RAB2A: variants seen among roughly 807,000 people sequenced by gnomAD.
RAB2A encodes the protein RAB2A, member RAS oncogene family.
RAB2A carries 7 observed loss-of-function variants against 32.5 expected under a neutral mutation model. The ratio of observed to expected loss-of-function variants is 0.22; its 90% confidence interval spans 0.12 to 0.40. The LOEUF is 0.40. RAB2A is among the 10% of genes least tolerant of loss of function. RAB2A has a pLI of 1.00. For missense variants in RAB2A, 108 were observed against 260.7 expected, an observed-to-expected ratio of 0.41 and a Z score of 4.03; for synonymous variants, 79 against 85.2, an observed-to-expected ratio of 0.93 and a Z score of 0.40.
intron 1 of RAB2A, among the ~76,000 whole-genome samples, chr8:60,525,341 G>A (rs1289165557): frequency 4.6e-5 from 7 of 152,116 alleles, no homozygotes; most frequent in Non-Finnish European, 1.0e-4. Flanking sequence ...ATATGTGCCT[G>A]CTTCCCCTTC....
At chr8:60,526,159 G>T (rs1807385328) in intron 1 of RAB2A, among the ~76,000 whole-genome samples, 7 of 151,444 alleles carry the variant, frequency 4.6e-5, no homozygotes, top group Admixed American at 4.6e-4. Flanking sequence ...CGTGTCACTG[G>T]GATGAAATCC....
intron 6 of RAB2A, among the ~76,000 whole-genome samples, chr8:60,616,852 G>A (rs1804457344): frequency 1.3e-5 from 2 of 152,160 alleles, no homozygotes; most frequent in Admixed American, 1.3e-4. Flanking sequence ...GATTACTCTG[G>A]GGAGCTGTAA....
intron 1 of RAB2A, among the ~76,000 whole-genome samples, chr8:60,523,671 G>A (rs1366428195): frequency 6.6e-6 from 1 of 150,772 alleles, no homozygotes; most frequent in East Asian, 1.9e-4. Context: ...CAATTTAGAT[G>A]ATATACTTTT....
At chr8:60,569,664 C>A (rs974300822) in intron 2 of RAB2A, among the ~76,000 whole-genome samples, 4 of 152,128 alleles carry the variant, frequency 2.6e-5, no homozygotes, top group South Asian at 2.1e-4. Context: ...AGGCACCTGC[C>A]ACCATACCTA....
chr8:60,590,583 A>G (rs1259126017), intron 5 of RAB2A, among the ~76,000 whole-genome samples: 1 of 144,506 alleles, frequency 6.9e-6, no homozygotes, highest in Admixed American at 6.8e-5. Context: ...TAATATATGT[A>G]TTTTATATAT....
intron 1 of RAB2A, among the ~76,000 whole-genome samples, chr8:60,557,201 C>A (rs1042200560): frequency 6.6e-6 from 1 of 152,124 alleles, no homozygotes; most frequent in African/African-American, 2.4e-5. Context: ...TTTCTTTTCA[C>A]TGTCATTTCT....
chr8:60,547,259 A>G (rs1235776987), intron 1 of RAB2A, among the ~76,000 whole-genome samples: 1 of 152,242 alleles, frequency 6.6e-6, no homozygotes, highest in Non-Finnish European at 1.5e-5. Context: ...AATTTTTCTT[A>G]GTACAGAACA....
At chr8:60,583,466 G>T (rs1157387411) in intron 3 of RAB2A, among the ~76,000 whole-genome samples, 1 of 152,034 alleles carries the variant, frequency 6.6e-6, no homozygotes, top group Non-Finnish European at 1.5e-5. Context: ...TCTTGTGTCT[G>T]TTTCACAAGT....
intron 1 of RAB2A, among the ~76,000 whole-genome samples, chr8:60,557,504 A>G (rs1449704681): frequency 6.6e-6 from 1 of 152,200 alleles, no homozygotes; most frequent in African/African-American, 2.4e-5. Context: ...TGACAGAGCA[A>G]AACTTCATCT....
chr8:60,586,694 A>T (rs941066092), intron 5 of RAB2A, among the ~76,000 whole-genome samples: 1 of 152,166 alleles, frequency 6.6e-6, no homozygotes, highest in Non-Finnish European at 1.5e-5. Flanking sequence ...AGGCAGGAGC[A>T]TCACATGAGG....
At chr8:60,550,377 C>T (rs376134361) in intron 1 of RAB2A, among the ~76,000 whole-genome samples, 2 of 151,876 alleles carry the variant, frequency 1.3e-5, no homozygotes, top group South Asian at 2.1e-4. Context: ...TACTGGTTCA[C>T]GGTTTTTTTT....
In RAB2A at chr8:60,519,836, CGTT is replaced by C. The variant is rs751526438; in HGVS notation, c.46+2600_46+2602del. ...ATTAATAACTTAACAGAAGTGGTGT[CGTT>C]GTTGTTGTTGTTGTTGCCCAGTTCT... On this transcript the variant is annotated intron_variant, in intron 1 of 7. Transcript: ENST00000262646. 2.1e-4 allele frequency among the ~76,000 whole-genome samples: 32 copies of C among 151,984 alleles called. No individual in the cohort carries two copies. In the South Asian group the frequency reaches 4.8e-3, roughly 23 times the overall value.
intron 5 of RAB2A, among the ~76,000 whole-genome samples, chr8:60,589,747 C>T (rs968690535): frequency 1.3e-5 from 2 of 152,112 alleles, no homozygotes; most frequent in Admixed American, 6.5e-5. Context: ...TAAAACTTTG[C>T]ACTAAGTATA....
In RAB2A at chr8:60,545,407, C is replaced by T. The variant is rs190412868; in HGVS notation, c.47-13445C>T. 4.9e-3 allele frequency among the ~76,000 whole-genome samples: 747 copies of T among 152,250 alleles called. 7 individuals carry two copies. The highest frequency in any genetic ancestry group is 0.017 in the African/African-American group (694 of 41,538). ...CTCCTGAACTCAGGTGATCCTCCCT[C>T]CTCATCTTCCAAGTAGCTGAGACTA... On this transcript the variant is annotated intron_variant, in intron 1 of 7. Transcript: ENST00000262646.
chr8:60,567,451 T>A (rs546578386), intron 2 of RAB2A, among the ~76,000 whole-genome samples: 1 of 152,184 alleles, frequency 6.6e-6, no homozygotes, highest in Non-Finnish European at 1.5e-5. Context: ...TCATACCAAT[T>A]GGTGTTCTTT....
chr8:60,550,997 T>C (rs982315723), intron 1 of RAB2A, among the ~76,000 whole-genome samples: 6 of 152,310 alleles, frequency 3.9e-5, no homozygotes, highest in Admixed American at 1.3e-4. Flanking sequence ...TGTGGAATAA[T>C]ACTCTTCTCT....
intron 1 of RAB2A, among the ~76,000 whole-genome samples, chr8:60,546,749 C>T (rs377572518): frequency 9.9e-5 from 15 of 152,234 alleles, no homozygotes; most frequent in East Asian, 3.9e-4. Flanking sequence ...AAAATGATTG[C>T]GTGCAAAGGC....
At chr8:60,567,262 C>T (rs997117103) in intron 2 of RAB2A, among the ~76,000 whole-genome samples, 1 of 151,988 alleles carries the variant, frequency 6.6e-6, no homozygotes, top group Non-Finnish European at 1.5e-5. Context: ...ATTAGAGGCA[C>T]GTACCACCAG....
rs1053407281 is a variant in RAB2A at position 60,590,569 on chromosome 8, AT to A, written c.363-1285del. On this transcript the variant is annotated intron_variant, in intron 5 of 7. Coordinates refer to ENST00000262646, the MANE Select transcript of RAB2A (RefSeq NM_002865.3). ...TTATATATATATGTAAAATACATAT[AT>A]TTTAATATATGTATTTTATATATAT... Among the ~76,000 whole-genome samples the A allele has an allele frequency of 1.0e-3, 147 of 143,084 alleles. 2 individuals are homozygous for A. Among genetic ancestry groups the A allele is most frequent in the Non-Finnish European group, 1.9e-3 (129 of 66,490 alleles). The allele number at this position is 143,084 out of a possible 152,430, so 93.9% of individuals were successfully genotyped here.
Sources: gnomAD v4.1 joint callset for allele counts (sites outside exome capture counted in the v4.1 genomes callset) on GRCh38, gnomAD v4.1.1 for gene constraint, MANE v1.5 for transcripts, NCBI Gene and HGNC (gene_info 2026-07-23, HGNC 2026-07-21) for gene names.